Variants in SPHKAP observed in about 807,000 individuals in gnomAD.
The protein encoded by SPHKAP is SPHK1 interactor, AKAP domain containing, also known as A-kinase anchor protein SPHKAP.
A neutral mutation model predicts 137.5 loss-of-function variants in SPHKAP; 67 were observed. The ratio of observed to expected loss-of-function variants is 0.49; its 90% CI spans 0.40 to 0.60. SPHKAP has a LOEUF of 0.60. SPHKAP is among the 20% of genes least tolerant of loss of function. The pLI is 0.00. For synonymous variants in SPHKAP, 813 were observed against 785.3 expected, an observed-to-expected ratio of 1.04 and a Z score of -0.59; for missense variants, 2,097 against 2,069.3, an observed-to-expected ratio of 1.01 and a Z score of -0.26.
intron 4 of SPHKAP, 148 bp from the exon 5 acceptor site, chr2:228,025,676 T>C: frequency 9.0e-7 from 1 of 1,114,018 alleles, no homozygotes; most frequent in South Asian, 2.3e-5. Flanking sequence ...AGAAATTTTA[T>C]AAAATGGAAG....
At chr2:228,079,253 T>C (rs1182613350) in intron 3 of SPHKAP, among the ~76,000 whole-genome samples, 1 of 152,186 alleles carries the variant, frequency 6.6e-6, no homozygotes, top group African/African-American at 2.4e-5. Flanking sequence ...AAGAATCAAA[T>C]GTTGCTGCTG....
At chr2:228,033,171 G>A (rs918966486) in intron 3 of SPHKAP, among the ~76,000 whole-genome samples, 11 of 152,002 alleles carry the variant, frequency 7.2e-5, no homozygotes, top group African/African-American at 2.4e-4. Context: ...TCAAAATAAA[G>A]GGATGGAGGA....
chr2:227,994,443 C>A (rs1460049293), intron 8 of SPHKAP, among the ~76,000 whole-genome samples: 1 of 152,188 alleles, frequency 6.6e-6, no homozygotes, highest in Admixed American at 6.5e-5. Flanking sequence ...CTCCTCACAC[C>A]TTCTCTGTTT....
intron 1 of SPHKAP, among the ~76,000 whole-genome samples, chr2:228,170,804 C>A (rs951682650): frequency 1.3e-5 from 2 of 152,076 alleles, no homozygotes; most frequent in African/African-American, 4.8e-5. Flanking sequence ...TGGAACCAAG[C>A]CTACCATATC....
Position 227,981,646 on chromosome 2 carries a change from C to A in SPHKAP, c.*71G>T. On this transcript the variant is annotated 3_prime_UTR_variant, in exon 12 of 12. Transcript: ENST00000392056. ...TGTGATGTTTTGAGAATGTTTAGAG[C>A]ATTTAGAACAAACCACTGTAATCTA... The A allele has an allele frequency of 6.6e-7, 1 of 1,520,042 alleles. No homozygotes were observed. The highest frequency in any genetic ancestry group is 8.8e-7 in the Non-Finnish European group (1 of 1,132,474). 94.2% of individuals were successfully genotyped at this position (1,520,042 alleles called of 1,614,324 possible).
chr2:228,018,459 C>T lies in SPHKAP; in HGVS notation c.2395G>A (p.Gly799Arg), dbSNP rs768964209. The T allele has an allele frequency of 1.6e-5, 26 of 1,614,150 alleles. No individual in the cohort carries two copies. Among genetic ancestry groups the T allele is most frequent in the Non-Finnish European group, 2.2e-5 (26 of 1,179,990 alleles). ...DGMYSKQDKG[G>R]VRPGLFKNPT... ...TTCTTGAAGAGGCCTGGCCTCACTC[C>T]ACCCTTGTCTTGTTTTGAATACATG... The change falls in exon 7 of 12, where the codon GGA (glycine) becomes AGA (arginine). Residue 799 changes from glycine to arginine, a missense_variant. Gly to Arg is a moderately radical substitution (Grantham distance 125). Transcript: ENST00000392056.
At position 228,050,804 on chromosome 2, in the gene SPHKAP, CTTTA is replaced by C. The variant is rs1196267495; in HGVS notation, c.247-23265_247-23262del. On this transcript the variant is annotated intron_variant, in intron 3 of 11. Transcript: ENST00000392056. Reference sequence around the variant, plus strand: ...AGCCTTTTATATTCCCCCACTCCACCTTTATTTATTTATTTATTTTGAGACAGGG... The same window carrying C: ...AGCCTTTTATATTCCCCCACTCCACCTTTATTTATTTATTTTGAGACAGGG... Among the ~76,000 whole-genome samples, 22 of 151,538 alleles carry C rather than the reference CTTTA, an allele frequency of 1.5e-4. No individual in the cohort carries two copies. The East Asian group carries it at 1.9e-3, about 13-fold the overall frequency.
intron 7 of SPHKAP, among the ~76,000 whole-genome samples, chr2:228,009,946 C>T (rs1019245330): frequency 6.6e-6 from 1 of 152,150 alleles, no homozygotes; most frequent in Admixed American, 6.5e-5. Flanking sequence ...CGTCATGGGG[C>T]TGTACCTATA....
intron 3 of SPHKAP, among the ~76,000 whole-genome samples, chr2:228,071,003 G>A (rs1696987888): frequency 6.6e-6 from 1 of 152,148 alleles, no homozygotes; most frequent in Non-Finnish European, 1.5e-5. Context: ...TATTGGCAAG[G>A]TACATGATGA....
At chr2:228,174,610 G>A (rs1318978921) in intron 1 of SPHKAP, among the ~76,000 whole-genome samples, 1 of 152,048 alleles carries the variant, frequency 6.6e-6, no homozygotes, top group African/African-American at 2.4e-5. Flanking sequence ...GTTTCCATTT[G>A]GAGATACTAT....
At chr2:228,173,769 T>C (rs1013575264) in intron 1 of SPHKAP, among the ~76,000 whole-genome samples, 1 of 152,210 alleles carries the variant, frequency 6.6e-6, no homozygotes, top group Non-Finnish European at 1.5e-5. Flanking sequence ...TTTAAGCCAC[T>C]CATTTTCTGA....
At position 227,980,718 on chromosome 2, in the gene SPHKAP, G is replaced by A. The variant is rs1046842504; in HGVS notation, c.*999C>T. The A allele has an allele frequency of 2.6e-5, 4 of 152,042 alleles. No homozygotes were observed. The highest frequency in any genetic ancestry group is 1.9e-4 in the East Asian group (1 of 5,186). The allele number at this position is 152,042 out of a possible 1,614,324, so 9.4% of individuals were successfully genotyped here. ...CTGTCATTATAAATGTCACTGGAGC[G>A]GCATGTCTGCTGTACAGGTAGCAGC... On this transcript the variant is annotated 3_prime_UTR_variant, in exon 12 of 12. Transcript: ENST00000392056.
chr2:228,157,681 G>T (rs1700146624), intron 1 of SPHKAP, among the ~76,000 whole-genome samples: 3 of 152,162 alleles, frequency 2.0e-5, no homozygotes, highest in African/African-American at 7.2e-5. Context: ...TGGGGGTAAA[G>T]GAGGTGTCAT....
At chr2:228,092,166 T>C (rs1163367485) in intron 3 of SPHKAP, among the ~76,000 whole-genome samples, 2 of 110,708 alleles carry the variant, frequency 1.8e-5, no homozygotes, top group Admixed American at 8.9e-5. Context: ...CATATATGTG[T>C]GTACACACAC....
At chr2:228,174,423 T>A (rs1700679139) in intron 1 of SPHKAP, among the ~76,000 whole-genome samples, 1 of 152,138 alleles carries the variant, frequency 6.6e-6, no homozygotes, top group Non-Finnish European at 1.5e-5. Context: ...GGAAATGTAC[T>A]GGCATTAGAA....
chr2:228,167,375 T>C (rs1700450858), intron 1 of SPHKAP, among the ~76,000 whole-genome samples: 1 of 152,162 alleles, frequency 6.6e-6, no homozygotes, highest in African/African-American at 2.4e-5. Flanking sequence ...CTACTGATAA[T>C]TAACACAAGT....
rs1425167839 is a variant in SPHKAP, at chr2:227,981,597, T to C, written c.*120A>G. ...TGCAGTGGATCTGAGTAGCAGATTT[T>C]TTTTTATAGTTCTGCTAATGTGATG... is the stretch of plus-strand genomic sequence containing the variant. On this transcript the variant is annotated 3_prime_UTR_variant, in exon 12 of 12. Transcript: ENST00000392056. The C allele has an allele frequency of 1.5e-6, 2 of 1,333,266 alleles. No homozygotes were observed. The highest frequency in any genetic ancestry group is 2.7e-5 in the Admixed American group (1 of 36,588). 82.6% of individuals were successfully genotyped at this position (1,333,266 alleles called of 1,614,324 possible).
At chr2:228,164,594 C>G (rs1483914740) in intron 1 of SPHKAP, among the ~76,000 whole-genome samples, 1 of 152,224 alleles carries the variant, frequency 6.6e-6, no homozygotes, top group East Asian at 1.9e-4. Flanking sequence ...CTTCCAGCCA[C>G]CTCTACATTG....
chr2:228,026,287 T>C (rs947100741), intron 4 of SPHKAP, among the ~76,000 whole-genome samples: 10 of 152,216 alleles, frequency 6.6e-5, no homozygotes, highest in Admixed American at 5.9e-4. Flanking sequence ...CTAATACCTC[T>C]TCTTTTCTAA....
Sources: allele counts gnomAD v4.1 joint callset (sites outside exome capture counted in the v4.1 genomes callset), GRCh38; gene constraint gnomAD v4.1.1; transcripts MANE v1.5; gene names NCBI Gene and HGNC (gene_info 2026-07-23, HGNC 2026-07-21).